WSCD2: variants seen among roughly 807,000 people sequenced by gnomAD.
WSCD2 encodes WSC domain sialate O sulfotransferase 2.
In WSCD2, 28 loss-of-function variants were observed where a neutral mutation model predicts 55.7. The observed-to-expected ratio is 0.50, with a 90% CI of 0.37 to 0.69. WSCD2 has a LOEUF of 0.69. Ranked by LOEUF, WSCD2 falls within the 30% of genes least tolerant of loss-of-function variation. WSCD2 has a pLI of 0.00. For synonymous variants in WSCD2, 301 were observed against 301.9 expected (o/e 1.00, Z 0.03); for missense variants, 616 against 762.1 (o/e 0.81, Z 2.26).
chr12:108,202,027 G>A (rs1884753582), intron 2 of WSCD2, among the ~76,000 whole-genome samples: 1 of 151,726 alleles, frequency 6.6e-6, no homozygotes, highest in South Asian at 2.1e-4. Flanking sequence ...TTTTGTCCCT[G>A]TTTTACATAT....
At chr12:108,158,405 A>G (rs1317984011) in intron 1 of WSCD2, among the ~76,000 whole-genome samples, 2 of 144,392 alleles carry the variant, frequency 1.4e-5, no homozygotes, top group Non-Finnish European at 3.0e-5. Flanking sequence ...GCAGTGAAAT[A>G]CAACCTGGCG....
At chr12:108,244,729 CA>C (rs1234794461) in intron 8 of WSCD2, 2 of 656,392 alleles carry the variant, frequency 3.0e-6, no homozygotes, top group Non-Finnish European at 5.6e-6. Context: ...AAACAGACCC[CA>C]GGTCTCAGAC....
intron 4 of WSCD2, among the ~76,000 whole-genome samples, chr12:108,222,294 T>C (rs1887616214): frequency 6.6e-6 from 1 of 152,250 alleles, no homozygotes; most frequent in South Asian, 2.1e-4. Flanking sequence ...ACTTTGCTTC[T>C]GAGATGAGGC....
intron 4 of WSCD2, among the ~76,000 whole-genome samples, chr12:108,211,630 C>CATATATATATATATATATATATACATAT (rs56944563): frequency 5.1e-5 from 7 of 138,548 alleles, no homozygotes; most frequent in African/African-American, 1.9e-4. Context: ...TTTCAAATCC[C>CATATATATATATATATATATATACATAT]ATATATATAT....
At chr12:108,147,161 T>C (rs1331508887) in intron 1 of WSCD2, among the ~76,000 whole-genome samples, 1 of 152,058 alleles carries the variant, frequency 6.6e-6, no homozygotes, top group Non-Finnish European at 1.5e-5. Flanking sequence ...AGCAAGAAGC[T>C]CTGATGCCCA....
chr12:108,189,192 G>C (rs1224830998), intron 1 of WSCD2, among the ~76,000 whole-genome samples: 5 of 152,182 alleles, frequency 3.3e-5, no homozygotes, highest in African/African-American at 1.2e-4. Context: ...CTGATAAGTA[G>C]TTCATTTAGG....
intron 1 of WSCD2, among the ~76,000 whole-genome samples, chr12:108,138,858 G>T (rs983650828): frequency 1.3e-5 from 2 of 152,322 alleles, no homozygotes. Flanking sequence ...TTTCAGAGCT[G>T]CCAGGTCCTG....
At position 108,248,400 on chromosome 12, in the gene WSCD2, C is replaced by A; in HGVS notation, c.*57C>A. 1 of 1,552,242 alleles carries A rather than the reference C, an allele frequency of 6.4e-7. No homozygotes were observed. ...GTCCTGACCACGCAGGCCCTGGGGACTCAAGACCCCTGGTTACCCCCACTC... is the reference window on the plus strand; with the variant it reads ...GTCCTGACCACGCAGGCCCTGGGGAATCAAGACCCCTGGTTACCCCCACTC... On this transcript the variant is annotated 3_prime_UTR_variant, in exon 9 of 9. Transcript: ENST00000547525. The surrounding 1 kb of genome is among the most constrained non-coding windows in gnomAD (Gnocchi z 4.3).
chr12:108,210,239 G>C lies in WSCD2; in HGVS notation c.616G>C (p.Val206Leu). 1 of 1,606,968 alleles carries C rather than the reference G, an allele frequency of 6.2e-7. No individual in the cohort carries two copies. The highest frequency in any genetic ancestry group is 8.5e-7 in the Non-Finnish European group (1 of 1,175,588). ...DMECKGERGSVCGGANRLSVY... is the reference protein window; with the variant it reads ...DMECKGERGSLCGGANRLSVY... ...GGAGTGCAAGGGCGAGCGAGGCAGC[G>C]TGTGCGGCGGCGCCAACCGCCTCTC... The change falls in exon 4 of 9, where the codon GTG (valine) becomes CTG (leucine). Residue 206 changes from valine to leucine, a missense_variant. Physicochemically the swap from Val to Leu is conservative, Grantham distance 32. Transcript: ENST00000547525. The surrounding 1 kb of genome is among the most constrained non-coding windows in gnomAD (Gnocchi z 4.3).
intron 1 of WSCD2, among the ~76,000 whole-genome samples, chr12:108,160,232 G>A (rs915222913): frequency 6.6e-6 from 1 of 152,164 alleles, no homozygotes; most frequent in Admixed American, 6.5e-5. Context: ...TTCAGAGCCT[G>A]CAGTCTGAGG....
intron 3 of WSCD2, among the ~76,000 whole-genome samples, chr12:108,209,193 C>A (rs7313402): frequency 0.48 from 73,488 of 151,920 alleles, 17,991 homozygotes; most frequent in East Asian, 0.6. Flanking sequence ...AACTTGAAAA[C>A]CTTGCAGTGC....
chr12:108,195,684 TG>T lies in WSCD2; in HGVS notation c.-147del. The stretch of plus-strand genomic sequence containing the variant: ...AAGCATTGAACTTGCCCTCCCCTTC[TG>T]GCCTTGGTGATCACTTTTTCAGGAA... On this transcript the variant is annotated 5_prime_UTR_variant, in exon 2 of 9. It removes the in-frame stop codon of an upstream open reading frame in the 5' UTR. Transcript: ENST00000547525. 8.7e-7 allele frequency: 1 copy of T among 1,143,404 alleles called. No individual in the cohort carries two copies. The highest frequency in any genetic ancestry group is 1.2e-6 in the Non-Finnish European group (1 of 827,434). 70.8% of individuals were successfully genotyped at this position (1,143,404 alleles called of 1,614,324 possible). A position where few individuals can be genotyped will look rare whatever the true frequency, so the allele number is the denominator to read the frequency against.
intron 8 of WSCD2, among the ~76,000 whole-genome samples, chr12:108,243,767 A>G (rs1311912114): frequency 6.6e-6 from 1 of 152,186 alleles, no homozygotes; most frequent in Non-Finnish European, 1.5e-5. Flanking sequence ...AGGTTTGAGA[A>G]GTGCTGCTTT....
chr12:108,248,496 C>G lies in WSCD2; in HGVS notation c.*153C>G. The G allele has an allele frequency of 7.0e-7, 1 of 1,429,568 alleles. No homozygotes were observed. The highest frequency in any genetic ancestry group is 1.5e-5 in the South Asian group (1 of 65,534). 88.6% of individuals were successfully genotyped at this position (1,429,568 alleles called of 1,614,324 possible). The stretch of plus-strand genomic sequence containing the variant: ...TGCCTTCAATGAGTTTCCTGCATGA[C>G]AGAGGAGGCTCAAGGGAAGAGATTG... On this transcript the variant is annotated 3_prime_UTR_variant, in exon 9 of 9. Transcript: ENST00000547525. This position sits in a 1 kb window ranked among gnomAD's most constrained non-coding sequence, Gnocchi z 4.3.
intron 1 of WSCD2, among the ~76,000 whole-genome samples, chr12:108,158,747 C>T (rs1265529809): frequency 6.6e-6 from 1 of 152,114 alleles, no homozygotes; most frequent in Non-Finnish European, 1.5e-5. Context: ...ACCGACTGCC[C>T]AAGTCATCAT....
At chr12:108,238,762 C>T (rs1593118355) in intron 7 of WSCD2, among the ~76,000 whole-genome samples, 2 of 152,302 alleles carry the variant, frequency 1.3e-5, no homozygotes, top group African/African-American at 2.4e-5. Context: ...AATAACATTT[C>T]TACCTGGCCT....
At chr12:108,219,417 TAGG>T (rs1168876351) in intron 4 of WSCD2, among the ~76,000 whole-genome samples, 1 of 152,042 alleles carries the variant, frequency 6.6e-6, no homozygotes, top group Non-Finnish European at 1.5e-5. Context: ...CACATACACA[TAGG>T]AGGCACACAT....
chr12:108,169,047 T>G (rs1234690749), intron 1 of WSCD2, among the ~76,000 whole-genome samples: 1 of 152,110 alleles, frequency 6.6e-6, no homozygotes, highest in Non-Finnish European at 1.5e-5. Context: ...GGCATTAGAT[T>G]CTCATAGGAG....
At chr12:108,214,982 A>T (rs189801681) in intron 4 of WSCD2, among the ~76,000 whole-genome samples, 2 of 152,300 alleles carry the variant, frequency 1.3e-5, no homozygotes, top group East Asian at 3.9e-4. Context: ...TACTGAGGGG[A>T]ACCCTCAGAT....
Sources: allele counts gnomAD v4.1 joint callset (sites outside exome capture counted in the v4.1 genomes callset), GRCh38; gene constraint gnomAD v4.1.1; non-coding constraint Gnocchi (gnomAD v3.1); transcripts MANE v1.5; gene names NCBI Gene and HGNC (gene_info 2026-07-23, HGNC 2026-07-21).